The following TG variants were observed in gnomAD, a reference collection of about 807,000 sequenced individuals.
TG encodes the protein thyroid hormones.
In TG, 270 loss-of-function variants were observed where a neutral mutation model predicts 324.7. The ratio of observed to expected loss-of-function variants is 0.83; its 90% CI spans 0.75 to 0.92. The LOEUF (loss-of-function observed/expected upper bound fraction) is 0.92, where lower values mean the gene tolerates loss of function less well. Ranked by LOEUF, TG falls within the 40% of genes least tolerant of loss-of-function variation. TG has a pLI of 0.00. For synonymous variants in TG, 1,401 were observed against 1,327.0 expected (o/e 1.06, Z -1.21); for missense variants, 3,591 against 3,456.4 (o/e 1.04, Z -0.98).
intron 41 of TG, among the ~76,000 whole-genome samples, chr8:133,064,404 T>C (rs1842791187): frequency 6.6e-6 from 1 of 152,260 alleles, no homozygotes; most frequent in Non-Finnish European, 1.5e-5. Flanking sequence ...TGAGGCAATC[T>C]GCAGATATTG....
intron 41 of TG, among the ~76,000 whole-genome samples, chr8:133,051,261 G>A (rs1662798289): frequency 6.6e-6 from 1 of 152,162 alleles, no homozygotes; most frequent in Non-Finnish European, 1.5e-5. Flanking sequence ...TTTAAAATGG[G>A]ACTAATACTA....
intron 19 of TG, 110 bp from the exon 20 acceptor site, chr8:132,912,937 C>T (rs984182665): frequency 9.7e-7 from 1 of 1,030,596 alleles, no homozygotes; most frequent in African/African-American, 1.6e-5. Flanking sequence ...CACATGATGC[C>T]TATGTCTCAT....
At chr8:132,958,963 A>G (rs984396059) in intron 27 of TG, among the ~76,000 whole-genome samples, 1 of 152,194 alleles carries the variant, frequency 6.6e-6, no homozygotes, top group Admixed American at 6.5e-5. Flanking sequence ...CATCTCTCAG[A>G]TGCCATAGGT....
intron 10 of TG, 98 bp from the exon 11 acceptor site, chr8:132,893,592 G>A: frequency 6.6e-7 from 1 of 1,519,626 alleles, no homozygotes; most frequent in South Asian, 1.1e-5. Flanking sequence ...TGTGTGTGTG[G>A]TGTGTATGTG....
In TG at chr8:133,134,677, T is replaced by C. The variant is rs1381967321; in HGVS notation, c.8190T>C (p.Asp2730=). ...KYISSLKTSA[D]GAKGGQSAES... Reference sequence around the variant, plus strand: ...ACCTTCCTTGCCCCTCTGTTTCAGATGGAGCCAAGGGCGGGCAGTCAGCAG... The same window carrying C: ...ACCTTCCTTGCCCCTCTGTTTCAGACGGAGCCAAGGGCGGGCAGTCAGCAG... The change falls in exon 48 of 48, where the codon GAT becomes GAC. Residue 2730 remains aspartate, a splice_region_variant and synonymous_variant. Transcript: ENST00000220616. 3 of 1,613,624 alleles carry C rather than the reference T, an allele frequency of 1.9e-6. No homozygotes were observed. The highest frequency in any genetic ancestry group is 2.5e-6 in the Non-Finnish European group (3 of 1,179,616).
At position 132,882,683 on chromosome 8, in the gene TG, T is replaced by C. The variant is rs1379780685; in HGVS notation, c.889+71T>C. 7.4e-6 allele frequency: 12 copies of C among 1,613,184 alleles called. No individual in the cohort carries two copies. In the East Asian group the frequency reaches 2.7e-4, roughly 36 times the overall value. On this transcript the variant is annotated intron_variant, in intron 7 of 47. Transcript: ENST00000220616. ...CGCCTCTTGGGTTTCAAAGTTGCTA[T>C]GGTGTGTGTGGCTGCTCCACCAAAG...
At chr8:133,009,637 A>G (rs1834326147) in intron 35 of TG, among the ~76,000 whole-genome samples, 1 of 152,048 alleles carries the variant, frequency 6.6e-6, no homozygotes, top group African/African-American at 2.4e-5. Flanking sequence ...TGTTATTAAA[A>G]GGTGGGGCCT....
chr8:133,040,207 C>CT, intron 41 of TG: 3 of 1,474,754 alleles, frequency 2.0e-6, no homozygotes, highest in Non-Finnish European at 2.8e-6. Flanking sequence ...CTGAGACACT[C>CT]TCCAGTGCAG....
At chr8:132,951,911 A>G (rs1826161015) in intron 27 of TG, among the ~76,000 whole-genome samples, 1 of 152,200 alleles carries the variant, frequency 6.6e-6, no homozygotes, top group Non-Finnish European at 1.5e-5. Context: ...TTGATGGAGG[A>G]AAAGAGGAGG....
At chr8:133,011,574 A>G (rs1018839332) in intron 35 of TG, among the ~76,000 whole-genome samples, 14 of 152,174 alleles carry the variant, frequency 9.2e-5, no homozygotes, top group African/African-American at 3.1e-4. Flanking sequence ...TTGCTTTGTA[A>G]CAATTATATC....
chr8:133,045,194 T>C, intron 41 of TG: 1 of 1,525,994 alleles, frequency 6.6e-7, no homozygotes, highest in African/African-American at 1.4e-5. Flanking sequence ...CCACCACCAC[T>C]GAGGCAGGGA....
intron 41 of TG, chr8:133,063,636 G>A (rs758430726): frequency 1.3e-5 from 2 of 152,138 alleles, no homozygotes; most frequent in Non-Finnish European, 2.9e-5. Context: ...GTTCTTCTAC[G>A]CTAACAGTCT....
In TG at chr8:132,923,529, C is replaced by T. The variant is rs1270819799; in HGVS notation, c.4699+21C>T. The stretch of plus-strand genomic sequence containing the variant: ...TTTGAGTAGGTGCTGGGGGTGAAAT[C>T]AGTCATGGTTCCTGGGGACTGGGGA... On this transcript the variant is annotated intron_variant, in intron 22 of 47. Coordinates refer to ENST00000220616, the MANE Select transcript of TG (RefSeq NM_003235.5). The T allele has an allele frequency of 1.9e-6, 3 of 1,610,322 alleles. No individual in the cohort carries two copies. In the African/African-American group the frequency reaches 4.0e-5, roughly 22 times the overall value.
chr8:133,013,821 A>T, intron 37 of TG, 57 bp downstream of exon 37: 1 of 1,569,782 alleles, frequency 6.4e-7, no homozygotes, highest in Non-Finnish European at 8.6e-7. Flanking sequence ...TGGGGAAGGG[A>T]CTATTTAAAC....
intron 41 of TG, among the ~76,000 whole-genome samples, chr8:133,081,256 C>T (rs551018907): frequency 6.6e-6 from 1 of 152,356 alleles, no homozygotes; most frequent in Admixed American, 6.5e-5. Flanking sequence ...GAGCCTAGCA[C>T]AGAGGCTATC....
At chr8:132,872,194 A>C (rs536930475) in intron 4 of TG, among the ~76,000 whole-genome samples, 2 of 152,132 alleles carry the variant, frequency 1.3e-5, no homozygotes, top group African/African-American at 4.8e-5. Flanking sequence ...AAGTAAAAAT[A>C]TTGGCCGGGC....
At chr8:132,946,009 T>C (rs982932196) in intron 26 of TG, among the ~76,000 whole-genome samples, 13 of 151,180 alleles carry the variant, frequency 8.6e-5, no homozygotes, top group South Asian at 6.3e-4. Context: ...TGTGGATTCC[T>C]GTTAGTGTTT....
intron 25 of TG, among the ~76,000 whole-genome samples, chr8:132,939,336 T>G (rs1234163523): frequency 6.6e-6 from 1 of 152,174 alleles, no homozygotes; most frequent in East Asian, 1.9e-4. Context: ...CACTGGAGAA[T>G]CACATGCTGT....
intron 4 of TG, among the ~76,000 whole-genome samples, chr8:132,871,892 C>T (rs1839512428): frequency 6.6e-6 from 1 of 152,122 alleles, no homozygotes; most frequent in African/African-American, 2.4e-5. Context: ...ACCAGTGGAC[C>T]ACATACATGA....
Sources: gnomAD v4.1 joint callset for allele counts (sites outside exome capture counted in the v4.1 genomes callset) on GRCh38, gnomAD v4.1.1 for gene constraint, MANE v1.5 for transcripts, NCBI Gene and HGNC (gene_info 2026-07-23, HGNC 2026-07-21) for gene names.